MAML3: variants seen among roughly 807,000 people sequenced by gnomAD.
The protein encoded by MAML3 is mastermind like transcriptional coactivator 3.
In MAML3, 27 loss-of-function variants were observed where a neutral mutation model predicts 101.9. That is an observed-to-expected ratio of 0.27 (90% CI 0.20 to 0.37). MAML3 has a LOEUF of 0.37. Ranked by LOEUF, MAML3 falls within the 10% of genes least tolerant of loss-of-function variation. The pLI is 1.00. For missense variants in MAML3, 1,316 were observed against 1,444.9 expected (o/e 0.91, Z 1.45); for synonymous variants, 501 against 555.9 (o/e 0.90, Z 1.39).
At chr4:139,862,789 C>A (rs1222748784) in intron 2 of MAML3, among the ~76,000 whole-genome samples, 2 of 152,082 alleles carry the variant, frequency 1.3e-5, no homozygotes, top group African/African-American at 2.4e-5. Flanking sequence ...CTCTGGAGAC[C>A]CAAATGTAGG....
intron 1 of MAML3, among the ~76,000 whole-genome samples, chr4:140,084,551 G>A (rs1051361073): frequency 6.6e-6 from 1 of 151,648 alleles, no homozygotes; most frequent in Non-Finnish European, 1.5e-5. Flanking sequence ...TCAACTTCCT[G>A]TATCTGAGTA....
chr4:140,039,067 C>T (rs1297257377), intron 1 of MAML3, among the ~76,000 whole-genome samples: 1 of 151,938 alleles, frequency 6.6e-6, no homozygotes, highest in Non-Finnish European at 1.5e-5. Context: ...TGCAGTGAGT[C>T]GAGATCGATC....
intron 2 of MAML3, among the ~76,000 whole-genome samples, chr4:139,738,834 C>T (rs1729053769): frequency 6.6e-6 from 1 of 152,174 alleles, no homozygotes; most frequent in Non-Finnish European, 1.5e-5. Flanking sequence ...TATATTTCCT[C>T]CTAGTTTTAT....
chr4:140,100,346 C>A (rs1560893442), intron 1 of MAML3, among the ~76,000 whole-genome samples: 1 of 152,170 alleles, frequency 6.6e-6, no homozygotes, highest in Non-Finnish European at 1.5e-5. Flanking sequence ...GGTCCACCCC[C>A]CTAGACTCAG....
intron 1 of MAML3, among the ~76,000 whole-genome samples, chr4:139,987,963 A>G (rs1734579999): frequency 7.4e-6 from 1 of 136,016 alleles, no homozygotes; most frequent in Non-Finnish European, 1.5e-5. Context: ...TGGAGGCTGC[A>G]GTGAGCTGAG....
chr4:139,784,395 G>A (rs979187362), intron 2 of MAML3, among the ~76,000 whole-genome samples: 3 of 152,216 alleles, frequency 2.0e-5, no homozygotes, highest in African/African-American at 4.8e-5. Context: ...CGGGATGAGG[G>A]AGAATGGTGT....
intron 2 of MAML3, among the ~76,000 whole-genome samples, chr4:139,853,085 A>G (rs867146916): frequency 3.0e-4 from 45 of 152,238 alleles, no homozygotes; most frequent in African/African-American, 9.9e-4. Flanking sequence ...CTAGGTGACC[A>G]GAACCAGAAA....
chr4:140,120,563 T>C (rs1294953314), intron 1 of MAML3, among the ~76,000 whole-genome samples: 2 of 152,250 alleles, frequency 1.3e-5, no homozygotes, highest in African/African-American at 4.8e-5. Flanking sequence ...CATTAATCTT[T>C]TGCATTTTGT....
At chr4:139,912,326 G>A (rs1246386798) in intron 1 of MAML3, among the ~76,000 whole-genome samples, 1 of 152,106 alleles carries the variant, frequency 6.6e-6, no homozygotes, top group Non-Finnish European at 1.5e-5. Context: ...CAATGACCTT[G>A]ACACAAGGTT....
At chr4:139,825,542 T>C (rs544398188) in intron 2 of MAML3, among the ~76,000 whole-genome samples, 289 of 152,206 alleles carry the variant, frequency 1.9e-3, no homozygotes, top group African/African-American at 6.4e-3. Context: ...TTGCAGCACG[T>C]TGGTGGGTGG....
chr4:139,926,108 C>T (rs1318558426), intron 1 of MAML3, among the ~76,000 whole-genome samples: 1 of 152,068 alleles, frequency 6.6e-6, no homozygotes, highest in Non-Finnish European at 1.5e-5. Flanking sequence ...CACCCATATA[C>T]CGAGAAGGCA....
At chr4:140,123,977 T>C (rs1728647937) in intron 1 of MAML3, among the ~76,000 whole-genome samples, 1 of 152,208 alleles carries the variant, frequency 6.6e-6, no homozygotes, top group South Asian at 2.1e-4. Context: ...CCAAAGCGAC[T>C]AAGGCTTGAA....
Position 139,889,528 on chromosome 4 carries a change from TTGCTGC to T in MAML3, c.1902_1907del (p.Gln649_Gln650del). The T allele has an allele frequency of 2.5e-6, 4 of 1,611,926 alleles. No individual in the cohort carries two copies. Among genetic ancestry groups the T allele is most frequent in the Non-Finnish European group, 2.5e-6 (3 of 1,178,884 alleles). On this transcript the variant is annotated inframe_deletion, in exon 2 of 5. Coordinates refer to ENST00000509479, the MANE Select transcript of MAML3 (RefSeq NM_018717.5). ...GCTGCTGTTGCTGTTGCTGCTGCTG[TTGCTGC>T]TGCTGGATATACGGCATCAAGGGGT...
At chr4:140,125,683 C>G (rs923758726) in intron 1 of MAML3, among the ~76,000 whole-genome samples, 30 of 152,186 alleles carry the variant, frequency 2.0e-4, no homozygotes, top group African/African-American at 6.3e-4. Context: ...GTCTCAAACT[C>G]CTGACCTCAC....
intron 1 of MAML3, among the ~76,000 whole-genome samples, chr4:139,954,754 G>A (rs772760769): frequency 1.3e-5 from 2 of 152,128 alleles, no homozygotes; most frequent in African/African-American, 4.8e-5. Context: ...TACTAGGCTC[G>A]AGGAATCCTC....
rs538352504 is a variant in MAML3 at position 139,836,732 on chromosome 4, G to T, written c.2079+52625C>A. On this transcript the variant is annotated intron_variant, in intron 2 of 4. Coordinates refer to ENST00000509479, the MANE Select transcript of MAML3 (RefSeq NM_018717.5). ...GCCCGGGCCTATGTTGTTCTTGGTG[G>T]AATACAGCATCATTCACACTTACTA... Among the ~76,000 whole-genome samples the T allele has an allele frequency of 2.0e-5, 3 of 152,244 alleles. No homozygotes were observed. In the South Asian group the frequency reaches 6.2e-4, roughly 32 times the overall value.
At chr4:139,832,250 G>A (rs997142890) in intron 2 of MAML3, among the ~76,000 whole-genome samples, 1 of 151,220 alleles carries the variant, frequency 6.6e-6, no homozygotes, top group East Asian at 1.9e-4. Context: ...GATTACAGGC[G>A]TGTGCCACTA....
chr4:140,084,959 A>G (rs1367455702), intron 1 of MAML3, among the ~76,000 whole-genome samples: 3 of 152,138 alleles, frequency 2.0e-5, no homozygotes, highest in Non-Finnish European at 4.4e-5. Context: ...GAGGATAGCT[A>G]TAACGGTTTA....
intron 1 of MAML3, among the ~76,000 whole-genome samples, chr4:139,994,293 T>C (rs1442881486): frequency 6.6e-6 from 1 of 152,232 alleles, no homozygotes; most frequent in Admixed American, 6.5e-5. Flanking sequence ...GCTAACTTAG[T>C]CTTAAGTCTT....
Sources: allele counts gnomAD v4.1 joint callset (sites outside exome capture counted in the v4.1 genomes callset), GRCh38; gene constraint gnomAD v4.1.1; transcripts MANE v1.5; gene names NCBI Gene and HGNC (gene_info 2026-07-23, HGNC 2026-07-21).